Variants in TSPAN18 observed in about 807,000 individuals in gnomAD.
TSPAN18 encodes tetraspanin-18.
A neutral mutation model predicts 27.3 loss-of-function variants in TSPAN18; 14 were observed. The observed-to-expected ratio is 0.51, with a 90% confidence interval of 0.34 to 0.80. The LOEUF is 0.80. TSPAN18 is among the 30% of genes least tolerant of loss of function. TSPAN18 has a pLI of 0.01. For missense variants in TSPAN18, 268 were observed against 323.9 expected (o/e 0.83, Z 1.32); for synonymous variants, 143 against 136.5 (o/e 1.05, Z -0.33).
chr11:44,917,972 T>G lies in TSPAN18; in HGVS notation c.259T>G (p.Phe87Val). 2 of 1,614,140 alleles carry G rather than the reference T, an allele frequency of 1.2e-6. No individual in the cohort carries two copies. The highest frequency in any genetic ancestry group is 1.7e-6 in the Non-Finnish European group (2 of 1,180,028). Residue 87 changes from phenylalanine (F) to valine (V), a missense_variant and splice_region_variant, in exon 6 of 10, where the codon TTC becomes GTC. Coordinates refer to ENST00000520358, the MANE Select transcript of TSPAN18 (RefSeq NM_130783.5). ...VRENKCLLLF[F>V]FLFILIIFLA... ...CACAAGGCTGTTCCTCTCCCTGCAGTTCTTCCTGTTCATCCTGATCATCTT... is the reference window on the plus strand; with the variant it reads ...CACAAGGCTGTTCCTCTCCCTGCAGGTCTTCCTGTTCATCCTGATCATCTT...
At chr11:44,742,185 G>T (rs973522049) in intron 1 of TSPAN18, among the ~76,000 whole-genome samples, 4 of 151,386 alleles carry the variant, frequency 2.6e-5, no homozygotes, top group African/African-American at 9.7e-5. Context: ...GGAAATTTTT[G>T]CCTGGGAGGT....
At chr11:44,786,623 C>CT (rs528871558) in intron 2 of TSPAN18, among the ~76,000 whole-genome samples, 69 of 98,202 alleles carry the variant, frequency 7.0e-4, no homozygotes, top group East Asian at 6.1e-3. Flanking sequence ...TATCCACTTA[C>CT]TTTTTTTTTT....
intron 2 of TSPAN18, among the ~76,000 whole-genome samples, chr11:44,812,262 C>T (rs888772774): frequency 1.3e-5 from 2 of 152,172 alleles, no homozygotes; most frequent in Admixed American, 6.5e-5. Flanking sequence ...CCTCTCTGGG[C>T]CTCAGTTCCC....
At chr11:44,844,471 T>A (rs1472890593) in intron 2 of TSPAN18, among the ~76,000 whole-genome samples, 1 of 152,194 alleles carries the variant, frequency 6.6e-6, no homozygotes, top group Non-Finnish European at 1.5e-5. Flanking sequence ...GTGGAACAGT[T>A]CTAGTTGCCC....
chr11:44,729,645 T>G (rs1250528101), intron 1 of TSPAN18, among the ~76,000 whole-genome samples: 2 of 152,154 alleles, frequency 1.3e-5, no homozygotes, highest in African/African-American at 2.4e-5. Context: ...AACCCCAGTC[T>G]GAAATGGTAG....
chr11:44,726,885 T>TTGGGAGGGGGAGGGAGGGCG (rs1854516051), upstream of TSPAN18: 1 of 43,742 alleles, frequency 2.3e-5, no homozygotes. Flanking sequence ...GGCGGAGGTT[T>TTGGGAGGGGGAGGGAGGGCG]GGGGAGGGGG....
chr11:44,754,961 A>C (rs993987177), intron 1 of TSPAN18, among the ~76,000 whole-genome samples: 1 of 152,172 alleles, frequency 6.6e-6, no homozygotes, highest in African/African-American at 2.4e-5. Context: ...GTGTCTGTCT[A>C]TGGCAGGTCC....
chr11:44,924,097 T>TGTGTG (rs1554941244), intron 8 of TSPAN18, among the ~76,000 whole-genome samples: 25 of 145,874 alleles, frequency 1.7e-4, no homozygotes, highest in African/African-American at 5.1e-4. Context: ...CCTTCTGGGG[T>TGTGTG]TGTGTGTGTG....
At chr11:44,855,269 C>T (rs2135198417) in intron 2 of TSPAN18, among the ~76,000 whole-genome samples, 1 of 152,108 alleles carries the variant, frequency 6.6e-6, no homozygotes, top group Non-Finnish European at 1.5e-5. Context: ...ATTTTAAAAT[C>T]AAGACTCTTT....
At chr11:44,830,741 A>C (rs981299883) in intron 2 of TSPAN18, among the ~76,000 whole-genome samples, 16 of 152,220 alleles carry the variant, frequency 1.1e-4, no homozygotes, top group Non-Finnish European at 1.9e-4. Context: ...AGTCATTTAA[A>C]CTATGGCTTT....
chr11:44,805,568 C>T (rs1856574347), intron 2 of TSPAN18, among the ~76,000 whole-genome samples: 1 of 152,128 alleles, frequency 6.6e-6, no homozygotes, highest in Non-Finnish European at 1.5e-5. Context: ...ATAGTGGGAT[C>T]TCAGCTCAGT....
chr11:44,877,031 G>A (rs1319774629), intron 3 of TSPAN18, among the ~76,000 whole-genome samples: 6 of 152,212 alleles, frequency 3.9e-5, no homozygotes, highest in Admixed American at 3.3e-4. Context: ...GGACTTCTCC[G>A]CCTCTGAGGA....
At chr11:44,900,049 A>C (rs1314460026) in intron 3 of TSPAN18, among the ~76,000 whole-genome samples, 1 of 152,158 alleles carries the variant, frequency 6.6e-6, no homozygotes, top group Non-Finnish European at 1.5e-5. Flanking sequence ...CCCTCCCTTT[A>C]GAAGTAAGTT....
intron 2 of TSPAN18, among the ~76,000 whole-genome samples, chr11:44,772,661 ATTAT>A (rs1355505880): frequency 2.6e-5 from 4 of 151,936 alleles, no homozygotes; most frequent in African/African-American, 4.8e-5. Context: ...TTATTTATTG[ATTAT>A]TTATTTATTT....
intron 2 of TSPAN18, among the ~76,000 whole-genome samples, chr11:44,829,689 G>A (rs1857115633): frequency 1.3e-5 from 2 of 152,078 alleles, no homozygotes; most frequent in South Asian, 2.1e-4. Context: ...ACCTCATTTA[G>A]TTAAATATTA....
At chr11:44,793,945 C>T (rs1043366747) in intron 2 of TSPAN18, among the ~76,000 whole-genome samples, 1 of 151,628 alleles carries the variant, frequency 6.6e-6, no homozygotes, top group Non-Finnish European at 1.5e-5. Flanking sequence ...ATAAGCAAGC[C>T]GCCTGTATTT....
chr11:44,924,130 T>TGTGTGA (rs1491312887), intron 8 of TSPAN18, among the ~76,000 whole-genome samples: 3 of 144,934 alleles, frequency 2.1e-5, no homozygotes, highest in African/African-American at 7.5e-5. Context: ...TGTGTGTGTG[T>TGTGTGA]GATTATATTG....
At chr11:44,730,911 A>G (rs1854639739) in intron 1 of TSPAN18, among the ~76,000 whole-genome samples, 1 of 152,182 alleles carries the variant, frequency 6.6e-6, no homozygotes, top group South Asian at 2.1e-4. Flanking sequence ...GGCGTGAGCC[A>G]CTGCACTTGG....
chr11:44,929,337 A>C lies in TSPAN18; in HGVS notation c.*159A>C. ...GCCAGGGGAATAGAGCTATTTTTTTAACAAAACAAAATGAAGACAAAAATA... is the reference window on the plus strand; with the variant it reads ...GCCAGGGGAATAGAGCTATTTTTTTCACAAAACAAAATGAAGACAAAAATA... On this transcript the variant is annotated 3_prime_UTR_variant, in exon 10 of 10. Coordinates refer to ENST00000520358, the MANE Select transcript of TSPAN18 (RefSeq NM_130783.5). The C allele has an allele frequency of 1.2e-6, 1 of 853,046 alleles. No individual in the cohort carries two copies. Among genetic ancestry groups the C allele is most frequent in the East Asian group, 2.6e-5 (1 of 38,104 alleles). 52.8% of individuals were successfully genotyped at this position (853,046 alleles called of 1,614,324 possible). A position where few individuals can be genotyped will look rare whatever the true frequency, so the allele number is the denominator to read the frequency against.
Sources: allele counts gnomAD v4.1 joint callset (sites outside exome capture counted in the v4.1 genomes callset), GRCh38; gene constraint gnomAD v4.1.1; transcripts MANE v1.5; gene names NCBI Gene and HGNC (gene_info 2026-07-23, HGNC 2026-07-21).